The following DPYD variants were observed in gnomAD, a reference collection of about 807,000 sequenced individuals.
DPYD encodes dihydropyrimidine dehydrogenase, also known as dihydropyrimidine dehydrogenase [NADP(+)].
A neutral mutation model predicts 116.2 loss-of-function variants in DPYD; 109 were observed. That is an observed-to-expected ratio of 0.94 (90% CI 0.80 to 1.10). The LOEUF (loss-of-function observed/expected upper bound fraction) is 1.10. DPYD is among the 50% of genes least tolerant of loss of function. The probability of loss-of-function intolerance (pLI) is 0.00; values close to 1 mark genes in which losing one functional copy is unlikely to be tolerated. For synonymous variants in DPYD, 440 were observed against 432.0 expected, an observed-to-expected ratio of 1.02 and a Z score of -0.23; for missense variants, 1,302 against 1,254.5, an observed-to-expected ratio of 1.04 and a Z score of -0.57.
chr1:97,329,171 G>T (rs1668854554), intron 16 of DPYD, among the ~76,000 whole-genome samples: 1 of 152,040 alleles, frequency 6.6e-6, no homozygotes, highest in South Asian at 2.1e-4. Context: ...TTCATGAATA[G>T]AAATGAGCAT....
At chr1:97,642,275 T>C (rs115655455) in intron 8 of DPYD, among the ~76,000 whole-genome samples, 4,302 of 152,116 alleles carry the variant, frequency 0.028, 198 homozygotes, top group African/African-American at 0.098. Context: ...AAAGAGTAAG[T>C]ATAGCCAAGA....
chr1:97,356,206 C>T (rs962295753), intron 16 of DPYD, among the ~76,000 whole-genome samples: 1 of 152,034 alleles, frequency 6.6e-6, no homozygotes, highest in African/African-American at 2.4e-5. Context: ...TTTCATATGC[C>T]TATTGGTCAT....
At chr1:97,702,368 G>A (rs1001693710) in intron 5 of DPYD, among the ~76,000 whole-genome samples, 2 of 151,648 alleles carry the variant, frequency 1.3e-5, no homozygotes, top group African/African-American at 4.8e-5. Context: ...AGGGAACAGA[G>A]ATATAGCTAA....
At chr1:97,792,430 A>G (rs1469068079) in intron 3 of DPYD, among the ~76,000 whole-genome samples, 1 of 151,948 alleles carries the variant, frequency 6.6e-6, no homozygotes, top group Non-Finnish European at 1.5e-5. Flanking sequence ...TATATTTTTT[A>G]GTAGAGACGG....
chr1:97,345,152 T>G (rs1267675379), intron 16 of DPYD, among the ~76,000 whole-genome samples: 1 of 151,956 alleles, frequency 6.6e-6, no homozygotes, highest in East Asian at 1.9e-4. Context: ...AAATCTGAAT[T>G]GTTTGTCATT....
chr1:97,270,509 T>G (rs1390473087), intron 18 of DPYD, among the ~76,000 whole-genome samples: 1 of 152,180 alleles, frequency 6.6e-6, no homozygotes, highest in East Asian at 1.9e-4. Context: ...GGACCTGTGC[T>G]CTAAAGGCTG....
At chr1:97,550,799 A>T (rs891114546) in intron 11 of DPYD, among the ~76,000 whole-genome samples, 4 of 152,212 alleles carry the variant, frequency 2.6e-5, no homozygotes, top group Non-Finnish European at 4.4e-5. Context: ...GAATTTATTT[A>T]TGAATCAAGT....
intron 20 of DPYD, among the ~76,000 whole-genome samples, chr1:97,108,683 TA>T (rs1055621276): frequency 8.5e-5 from 13 of 152,142 alleles, no homozygotes; most frequent in African/African-American, 2.2e-4. Context: ...GAACTAAAAA[TA>T]TTTTTTTAAT....
chr1:97,326,042 CAGG>C (rs1012895061), intron 16 of DPYD, among the ~76,000 whole-genome samples: 18 of 151,424 alleles, frequency 1.2e-4, no homozygotes, highest in African/African-American at 4.4e-4. Flanking sequence ...AGAGTCCAAG[CAGG>C]AGACCAATCA....
At chr1:97,302,629 A>G (rs1666930207) in intron 18 of DPYD, among the ~76,000 whole-genome samples, 1 of 151,930 alleles carries the variant, frequency 6.6e-6, no homozygotes, top group South Asian at 2.1e-4. Flanking sequence ...GACTTCTTTT[A>G]TTTAACAAAA....
intron 14 of DPYD, among the ~76,000 whole-genome samples, chr1:97,442,711 G>T (rs892313984): frequency 6.6e-6 from 1 of 151,932 alleles, no homozygotes; most frequent in African/African-American, 2.4e-5. Context: ...AGGAATCACT[G>T]AAAAACATAT....
chr1:97,675,483 A>T (rs895238589), intron 8 of DPYD, among the ~76,000 whole-genome samples: 3 of 152,202 alleles, frequency 2.0e-5, no homozygotes, highest in African/African-American at 7.2e-5. Flanking sequence ...ACATTCAATG[A>T]GATAATTTCC....
In DPYD at chr1:97,405,859, T is replaced by C. The variant is rs917125966; in HGVS notation, c.1906-23398A>G. On this transcript the variant is annotated intron_variant, in intron 14 of 22. Transcript: ENST00000370192. Reference sequence around the variant, plus strand: ...ATTTAACTCCAGTCTATTCTTGCTCTTTAGGTCTTGTTAAGAAAAACAGAA... The same window carrying C: ...ATTTAACTCCAGTCTATTCTTGCTCCTTAGGTCTTGTTAAGAAAAACAGAA... 2.6e-4 allele frequency among the ~76,000 whole-genome samples: 40 copies of C among 152,140 alleles called. 1 individual carries two copies. The highest frequency in any genetic ancestry group is 5.9e-5 in the Non-Finnish European group (4 of 68,020).
Position 97,148,021 on chromosome 1 carries a change from C to A in DPYD, c.2622+45048G>T, listed in dbSNP as rs142783400. On this transcript the variant is annotated intron_variant, in intron 20 of 22. Transcript: ENST00000370192. ...GAGATAAGTGCAAGGCAAACCAGAT[C>A]CCTGAGTAGGTCTCGGGAGATATAA... Among the ~76,000 whole-genome samples, 240 of 152,166 alleles carry A rather than the reference C, an allele frequency of 1.6e-3. 1 individual carries two copies. Among genetic ancestry groups the A allele is most frequent in the African/African-American group, 5.5e-3 (227 of 41,532 alleles).
chr1:97,683,029 G>T (rs996963971), intron 7 of DPYD, among the ~76,000 whole-genome samples: 1 of 151,880 alleles, frequency 6.6e-6, no homozygotes, highest in South Asian at 2.1e-4. Context: ...CATTTATTAT[G>T]CAGGATAAAG....
chr1:97,685,382 TATC>T (rs1228034045), intron 7 of DPYD, among the ~76,000 whole-genome samples: 1 of 152,016 alleles, frequency 6.6e-6, no homozygotes, highest in Non-Finnish European at 1.5e-5. Context: ...CCACAGCCAA[TATC>T]ATACCAAATG....
At chr1:97,625,947 C>T (rs947857994) in intron 8 of DPYD, among the ~76,000 whole-genome samples, 3 of 151,976 alleles carry the variant, frequency 2.0e-5, no homozygotes, top group Admixed American at 1.3e-4. Context: ...GAAAAGGTCA[C>T]GTGGGCTTTG....
intron 18 of DPYD, among the ~76,000 whole-genome samples, chr1:97,291,826 T>C (rs1344565394): frequency 1.3e-5 from 2 of 152,012 alleles, no homozygotes; most frequent in Non-Finnish European, 1.5e-5. Context: ...ACCCTAAAAC[T>C]TAAAGTATAA....
At chr1:97,379,968 A>G (rs1034687698) in intron 15 of DPYD, among the ~76,000 whole-genome samples, 1 of 152,144 alleles carries the variant, frequency 6.6e-6, no homozygotes, top group African/African-American at 2.4e-5. Context: ...AATGCACCAT[A>G]TTGCACTTGT....
Sources: gnomAD v4.1 joint callset for allele counts (sites outside exome capture counted in the v4.1 genomes callset) on GRCh38, gnomAD v4.1.1 for gene constraint, MANE v1.5 for transcripts, NCBI Gene and HGNC (gene_info 2026-07-23, HGNC 2026-07-21) for gene names.